TTBK2: variants seen among roughly 807,000 people sequenced by gnomAD.
The protein encoded by TTBK2 is tau-tubulin kinase 2.
TTBK2 carries 28 observed loss-of-function variants against 110.8 expected under a neutral mutation model. The observed-to-expected ratio is 0.25, with a 90% CI of 0.19 to 0.35. The LOEUF is 0.35. TTBK2 is among the 10% of genes least tolerant of loss of function. The pLI, the probability that TTBK2 is intolerant of heterozygous loss-of-function variation, is 1.00. For missense variants in TTBK2, 1,369 were observed against 1,500.3 expected (o/e 0.91, Z 1.45); for synonymous variants, 532 against 527.3 (o/e 1.01, Z -0.12).
intron 1 of TTBK2, among the ~76,000 whole-genome samples, chr15:42,899,601 G>T (rs1000461915): frequency 5.3e-5 from 8 of 152,078 alleles, no homozygotes; most frequent in Admixed American, 2.6e-4. Context: ...TTAGCCGGGC[G>T]TGGTGGTACG....
chr15:42,912,001 T>C (rs144814731), intron 1 of TTBK2, among the ~76,000 whole-genome samples: 1 of 152,048 alleles, frequency 6.6e-6, no homozygotes, highest in African/African-American at 2.4e-5. Context: ...CAAAAGCTCA[T>C]AAAGTCTTAA....
chr15:42,760,761 C>T (rs751379773), intron 13 of TTBK2, among the ~76,000 whole-genome samples: 2 of 152,088 alleles, frequency 1.3e-5, no homozygotes, highest in Admixed American at 6.5e-5. Flanking sequence ...GTTTAAATGC[C>T]TATAGTATCT....
At chr15:42,860,740 A>T (rs1352497384) in intron 3 of TTBK2, among the ~76,000 whole-genome samples, 1 of 143,032 alleles carries the variant, frequency 7.0e-6, no homozygotes, top group East Asian at 2.0e-4. Flanking sequence ...ATCTCAGCTC[A>T]CTGCAACCTC....
intron 11 of TTBK2, among the ~76,000 whole-genome samples, chr15:42,779,231 C>T (rs1890073058): frequency 6.6e-6 from 1 of 152,058 alleles, no homozygotes; most frequent in Admixed American, 6.6e-5. Flanking sequence ...CGGTAAAACC[C>T]TGTCTCTAAT....
chr15:42,840,713 A>T, intron 3 of TTBK2: 3 of 473,186 alleles, frequency 6.3e-6, no homozygotes, highest in South Asian at 5.7e-5. Flanking sequence ...AGGGAGGAAA[A>T]GATTAAGTGG....
chr15:42,867,925 T>TG (rs1290476345), intron 3 of TTBK2, among the ~76,000 whole-genome samples: 27 of 152,206 alleles, frequency 1.8e-4, no homozygotes, highest in East Asian at 1.9e-4. Context: ...AAATGAACTG[T>TG]GGTACCTCTA....
At position 42,739,850 on chromosome 15, in the gene TTBK2, A is replaced by G. The variant is rs1183840154; in HGVS notation, c.*5945T>C. Reference sequence around the variant, plus strand: ...TGAAGAATGCCCACACAGAGTTCAGATGTGGTGAAATGCTGGGCATTGATT... The same window carrying G: ...TGAAGAATGCCCACACAGAGTTCAGGTGTGGTGAAATGCTGGGCATTGATT... On this transcript the variant is annotated 3_prime_UTR_variant, in exon 15 of 15. Coordinates refer to ENST00000267890, the MANE Select transcript of TTBK2 (RefSeq NM_173500.4). The G allele has an allele frequency of 6.6e-6, 1 of 152,176 alleles. No homozygotes were observed. 9.4% of individuals were successfully genotyped at this position (152,176 alleles called of 1,614,324 possible).
chr15:42,796,953 A>C (rs1056477967), intron 9 of TTBK2, among the ~76,000 whole-genome samples: 2 of 152,246 alleles, frequency 1.3e-5, no homozygotes, highest in Admixed American at 1.3e-4. Context: ...GAGAAATTTT[A>C]TTTGGGTCCT....
At chr15:42,888,796 A>G (rs1287854047) in intron 1 of TTBK2, among the ~76,000 whole-genome samples, 1 of 152,182 alleles carries the variant, frequency 6.6e-6, no homozygotes, top group African/African-American at 2.4e-5. Flanking sequence ...ACGGCCATCA[A>G]AAGGCATCAG....
intron 1 of TTBK2, among the ~76,000 whole-genome samples, chr15:42,898,279 G>A (rs183239251): frequency 1.3e-5 from 2 of 151,960 alleles, no homozygotes; most frequent in Admixed American, 6.6e-5. Flanking sequence ...TTCTGGCCAG[G>A]TGCAGTGGCT....
At chr15:42,920,131 G>C (rs2031291540) in intron 1 of TTBK2, among the ~76,000 whole-genome samples, 3 of 152,186 alleles carry the variant, frequency 2.0e-5, no homozygotes, top group Non-Finnish European at 4.4e-5. Flanking sequence ...GGGTACAAGT[G>C]ATATGTGGGT....
rs976712540 is a variant in TTBK2 at position 42,883,060 on chromosome 15, A to G, written c.-67-4376T>C. Among the ~76,000 whole-genome samples the G allele has an allele frequency of 7.9e-5, 12 of 152,152 alleles. 1 individual carries two copies. The highest frequency in any genetic ancestry group is 6.5e-4 in the Admixed American group (10 of 15,272). ...TAAAAACTGGCTGAAGGGATTTCCA[A>G]TGTAAACAGATATAACACTACTCCA... On this transcript the variant is annotated intron_variant, in intron 1 of 14. Coordinates refer to ENST00000267890, the MANE Select transcript of TTBK2 (RefSeq NM_173500.4).
chr15:42,745,745 C>G lies in TTBK2; in HGVS notation c.*50G>C. 6.2e-7 allele frequency: 1 copy of G among 1,601,964 alleles called. No homozygotes were observed. The highest frequency in any genetic ancestry group is 8.5e-7 in the Non-Finnish European group (1 of 1,170,200). On this transcript the variant is annotated 3_prime_UTR_variant, in exon 15 of 15. Transcript: ENST00000267890. ...AGAAAGTACAGGGACACACATGCAT[C>G]AGGTTTAGGAGGAAGATCTCACACC...
chr15:42,815,949 T>TAAA (rs375184494), intron 7 of TTBK2, among the ~76,000 whole-genome samples: 42 of 37,168 alleles, frequency 1.1e-3, no homozygotes, highest in African/African-American at 4.0e-3. Flanking sequence ...TATATATATT[T>TAAA]AAAAAAAAAA....
chr15:42,750,081 G>A (rs915470011), intron 14 of TTBK2, among the ~76,000 whole-genome samples: 12 of 152,002 alleles, frequency 7.9e-5, no homozygotes, highest in Non-Finnish European at 1.5e-5. Flanking sequence ...GTGAGATCCT[G>A]TCTCAAAAAT....
At chr15:42,858,494 A>G (rs1894030853) in intron 3 of TTBK2, among the ~76,000 whole-genome samples, 1 of 152,244 alleles carries the variant, frequency 6.6e-6, no homozygotes, top group South Asian at 2.1e-4. Context: ...TGTTCATTAT[A>G]TAATTCTATT....
chr15:42,838,729 T>A (rs912547450), intron 4 of TTBK2, among the ~76,000 whole-genome samples: 1 of 151,854 alleles, frequency 6.6e-6, no homozygotes, highest in African/African-American at 2.4e-5. Flanking sequence ...GGCAGAAGAA[T>A]CGCTTGAACC....
chr15:42,763,109 TA>T (rs2062058715), intron 13 of TTBK2, among the ~76,000 whole-genome samples: 1 of 118,578 alleles, frequency 8.4e-6, no homozygotes, highest in Non-Finnish European at 1.6e-5. Flanking sequence ...TATACGTATA[TA>T]TATATATACA....
intron 1 of TTBK2, among the ~76,000 whole-genome samples, chr15:42,917,142 AC>A (rs1444841887): frequency 6.6e-6 from 1 of 152,132 alleles, no homozygotes; most frequent in Non-Finnish European, 1.5e-5. Flanking sequence ...GGGAAGCTTT[AC>A]CCTAACTGAA....
Sources: allele counts gnomAD v4.1 joint callset (sites outside exome capture counted in the v4.1 genomes callset), GRCh38; gene constraint gnomAD v4.1.1; transcripts MANE v1.5; gene names NCBI Gene and HGNC (gene_info 2026-07-23, HGNC 2026-07-21).